The following NOL4 variants were observed in gnomAD, a reference collection of about 807,000 sequenced individuals.
NOL4 encodes the protein cancer/testis antigen 125.
A neutral mutation model predicts 75.9 loss-of-function variants in NOL4; 17 were observed. That is an observed-to-expected ratio of 0.22 (90% confidence interval 0.15 to 0.34). NOL4 has a LOEUF of 0.34. NOL4 is among the 10% of genes least tolerant of loss of function. The pLI, the probability that NOL4 is intolerant of heterozygous loss-of-function variation, is 1.00. For missense variants in NOL4, 614 were observed against 793.5 expected (o/e 0.77, Z 2.72); for synonymous variants, 292 against 289.9 (o/e 1.01, Z -0.07).
chr18:34,069,925 T>C (rs915537665), intron 5 of NOL4, among the ~76,000 whole-genome samples: 3 of 152,246 alleles, frequency 2.0e-5, no homozygotes, highest in Non-Finnish European at 2.9e-5. Context: ...GAAAGTCCTA[T>C]GCATCCCTCA....
rs186823852 is a variant in NOL4 at position 33,935,741 on chromosome 18, A to G, written c.1542+7324T>C. 3.2e-4 allele frequency among the ~76,000 whole-genome samples: 49 copies of G among 152,284 alleles called. 1 individual carries two copies. The highest frequency in any genetic ancestry group is 1.6e-3 in the Admixed American group (24 of 15,270). On this transcript the variant is annotated intron_variant, in intron 9 of 10. Transcript: ENST00000261592. ...AACTGCAATATCTGTGAAGCACAACAAAGTGAAGTTCAATAAAATGAGGAA... is the reference window on the plus strand; with the variant it reads ...AACTGCAATATCTGTGAAGCACAACGAAGTGAAGTTCAATAAAATGAGGAA...
intron 6 of NOL4, among the ~76,000 whole-genome samples, chr18:34,004,240 G>A (rs564102467): frequency 6.6e-6 from 1 of 152,146 alleles, no homozygotes; most frequent in African/African-American, 2.4e-5. Context: ...ATTGATTGAT[G>A]TCTTATGGCT....
At chr18:33,892,891 G>A (rs1185724625) in intron 9 of NOL4, among the ~76,000 whole-genome samples, 1 of 151,902 alleles carries the variant, frequency 6.6e-6, no homozygotes, top group African/African-American at 2.4e-5. Flanking sequence ...TCGAACTCTT[G>A]ACCTCAAGCT....
At chr18:33,984,387 A>G (rs1456280674) in intron 6 of NOL4, among the ~76,000 whole-genome samples, 1 of 152,074 alleles carries the variant, frequency 6.6e-6, no homozygotes, top group Non-Finnish European at 1.5e-5. Flanking sequence ...TCCCAATGCT[A>G]TAATAGTTGA....
At chr18:34,188,332 A>C (rs2034649471) in intron 1 of NOL4, among the ~76,000 whole-genome samples, 1 of 152,218 alleles carries the variant, frequency 6.6e-6, no homozygotes, top group Non-Finnish European at 1.5e-5. Context: ...ACAATGCCAG[A>C]GTTAGCTATT....
At chr18:34,055,278 TA>T (rs1372709143) in intron 5 of NOL4, among the ~76,000 whole-genome samples, 2 of 152,124 alleles carry the variant, frequency 1.3e-5, no homozygotes, top group African/African-American at 4.8e-5. Context: ...GACTCACTTA[TA>T]GCATTTCTTG....
intron 1 of NOL4, among the ~76,000 whole-genome samples, chr18:34,171,991 T>C (rs550667933): frequency 6.6e-6 from 1 of 152,160 alleles, no homozygotes; most frequent in South Asian, 2.1e-4. Flanking sequence ...GCCTTGCCTG[T>C]ACAAAAGAAT....
intron 1 of NOL4, among the ~76,000 whole-genome samples, chr18:34,203,399 A>G (rs1238510489): frequency 6.6e-6 from 1 of 151,998 alleles, no homozygotes; most frequent in Non-Finnish European, 1.5e-5. Flanking sequence ...ATAAACAATG[A>G]AATTGTATAG....
intron 9 of NOL4, among the ~76,000 whole-genome samples, chr18:33,914,939 C>T (rs1304621517): frequency 2.0e-5 from 3 of 151,980 alleles, no homozygotes; most frequent in Non-Finnish European, 4.4e-5. Context: ...CATCACATTA[C>T]AGATGGTATT....
At chr18:34,084,596 T>G (rs570040581) in intron 5 of NOL4, among the ~76,000 whole-genome samples, 1 of 152,326 alleles carries the variant, frequency 6.6e-6, no homozygotes, top group Admixed American at 6.5e-5. Flanking sequence ...ATACATAAGA[T>G]ATACTTTGTT....
At chr18:33,900,669 T>C (rs1398327172) in intron 9 of NOL4, among the ~76,000 whole-genome samples, 1 of 152,232 alleles carries the variant, frequency 6.6e-6, no homozygotes, top group Non-Finnish European at 1.5e-5. Flanking sequence ...AAAACTGTTT[T>C]ACCCATAATT....
chr18:34,023,726 C>A, intron 5 of NOL4: 1 of 255,162 alleles, frequency 3.9e-6, no homozygotes, highest in Non-Finnish European at 8.3e-6. Flanking sequence ...GGCAGTTGGA[C>A]GTCGGGAGTT....
intron 10 of NOL4, among the ~76,000 whole-genome samples, chr18:33,881,238 T>G (rs1458053974): frequency 6.6e-6 from 1 of 150,624 alleles, no homozygotes; most frequent in Non-Finnish European, 1.5e-5. Context: ...TTTGCTGAAG[T>G]TGCTTATCAG....
At chr18:33,993,064 G>T (rs2073036239) in intron 6 of NOL4, among the ~76,000 whole-genome samples, 2 of 151,960 alleles carry the variant, frequency 1.3e-5, no homozygotes, top group South Asian at 4.1e-4. Context: ...AGTTAAGTTT[G>T]CAGGAGAGAA....
At chr18:34,155,985 T>C (rs1253860865) in intron 1 of NOL4, among the ~76,000 whole-genome samples, 1 of 152,142 alleles carries the variant, frequency 6.6e-6, no homozygotes, top group Non-Finnish European at 1.5e-5. Flanking sequence ...TGCTTTCCTA[T>C]AGAAGGGTTT....
At chr18:34,155,368 A>T (rs931750231) in intron 1 of NOL4, among the ~76,000 whole-genome samples, 2 of 151,988 alleles carry the variant, frequency 1.3e-5, no homozygotes, top group African/African-American at 4.8e-5. Context: ...TAATAACTTG[A>T]TAAAACAAGG....
intron 5 of NOL4, among the ~76,000 whole-genome samples, chr18:34,058,431 G>A (rs756943979): frequency 4.6e-5 from 7 of 152,152 alleles, no homozygotes; most frequent in Non-Finnish European, 5.9e-5. Flanking sequence ...ACTGCGCCCG[G>A]CCTCCTTATT....
chr18:33,984,849 T>C (rs746796834), intron 6 of NOL4, among the ~76,000 whole-genome samples: 27 of 152,192 alleles, frequency 1.8e-4, no homozygotes, highest in Non-Finnish European at 3.5e-4. Context: ...ACACAAAACC[T>C]AGTGAATTCT....
chr18:34,175,808 T>G (rs1368722042), intron 1 of NOL4, among the ~76,000 whole-genome samples: 2 of 151,978 alleles, frequency 1.3e-5, no homozygotes, highest in Non-Finnish European at 2.9e-5. Context: ...TTTAGAAAAT[T>G]TACTAAACAA....
Sources: allele counts gnomAD v4.1 joint callset (sites outside exome capture counted in the v4.1 genomes callset), GRCh38; gene constraint gnomAD v4.1.1; transcripts MANE v1.5; gene names NCBI Gene and HGNC (gene_info 2026-07-23, HGNC 2026-07-21).